Variants in NPIPB2 observed in about 807,000 individuals in gnomAD.
NPIPB2 encodes nuclear pore complex interacting protein family member B2, also known as nuclear pore complex-interacting protein family member B2.
A neutral mutation model predicts 30.8 loss-of-function variants in NPIPB2; 27 were observed. The ratio of observed to expected loss-of-function variants is 0.88; its 90% CI spans 0.65 to 1.21. The LOEUF (loss-of-function observed/expected upper bound fraction) is 1.21. Ranked by LOEUF, NPIPB2 falls within the 50% of genes most tolerant of loss-of-function variation. NPIPB2 has a pLI of 0.00. For synonymous variants in NPIPB2, 147 were observed against 162.0 expected, an observed-to-expected ratio of 0.91 and a Z score of 0.70; for missense variants, 440 against 446.2, an observed-to-expected ratio of 0.99 and a Z score of 0.13.
At chr16:11,947,385 C>T (rs533235741) in intron 1 of NPIPB2, among the ~76,000 whole-genome samples, 173 of 150,212 alleles carry the variant, frequency 1.2e-3, no homozygotes, top group Middle Eastern at 3.4e-3. Context: ...CGCTCTGTCG[C>T]CCAGGCTGGA....
At chr16:11,943,171 T>C (rs2054961305), upstream of NPIPB2, among the ~76,000 whole-genome samples, 1 of 151,332 alleles carries the variant, frequency 6.6e-6, no homozygotes, top group Non-Finnish European at 1.5e-5. Flanking sequence ...ATACAAAAAT[T>C]AGCTGGGTGT....
intron 1 of NPIPB2, chr16:11,968,055 C>CT (rs113542863): frequency 0.34 from 173,833 of 507,648 alleles, 30,848 homozygotes; most frequent in East Asian, 0.58. Context: ...TGATTAAACT[C>CT]TTTTTTTTCC....
intron 4 of NPIPB2, among the ~76,000 whole-genome samples, chr16:11,932,681 G>T (rs2054806383): frequency 8.6e-6 from 1 of 116,878 alleles, no homozygotes; most frequent in African/African-American, 3.1e-5. Context: ...GAGGCTGTGG[G>T]ATAAGAATCG....
At chr16:11,968,004 T>C (rs1293742937) in intron 1 of NPIPB2, 17 of 835,674 alleles carry the variant, frequency 2.0e-5, no homozygotes, top group Non-Finnish European at 3.0e-5. Context: ...TTTCTCTAGG[T>C]TACTGTTGGG....
chr16:11,933,255 G>GA (rs1337413488), intron 4 of NPIPB2, among the ~76,000 whole-genome samples: 12,247 of 137,014 alleles, frequency 0.089, 918 homozygotes, highest in Admixed American at 0.18. Flanking sequence ...TCCATCTCAG[G>GA]AAAAAAAAAA....
chr16:11,944,239 G>A (rs1332548808), upstream of NPIPB2, among the ~76,000 whole-genome samples: 2 of 149,238 alleles, frequency 1.3e-5, no homozygotes, highest in African/African-American at 2.5e-5. Context: ...TTGCGGTCTC[G>A]GCTCACTGAA....
intron 1 of NPIPB2, among the ~76,000 whole-genome samples, chr16:11,976,176 G>A (rs1376890105): frequency 6.6e-6 from 1 of 151,832 alleles, no homozygotes; most frequent in African/African-American, 2.4e-5. Context: ...TGATCCGCTC[G>A]CCTCGGCCTC....
rs749555769 is a variant in NPIPB2 at position 11,937,663 on chromosome 16, G to C, written c.69C>G (p.Ile23Met). The change falls in exon 2 of 8, where the codon ATC becomes ATG. Residue 23 changes from isoleucine (I) to methionine (M), a missense_variant. By Grantham distance (10) the Ile-to-Met change is conservative. Coordinates refer to ENST00000399147, the Ensembl canonical transcript of NPIPB2. ...GATGATGATGGTCAGCCAGAGTATT[G>C]ATAACCTGGAATAATAATAGTTGAA... 6.6e-5 allele frequency: 106 copies of C among 1,598,638 alleles called. 1 individual carries two copies. In the Middle Eastern group the frequency reaches 2.5e-3, roughly 37 times the overall value.
chr16:11,941,417 G>A (rs1318852317), intron 1 of NPIPB2: 10 of 480,556 alleles, frequency 2.1e-5, no homozygotes, highest in African/African-American at 4.7e-5. Flanking sequence ...GGAGGAGAAG[G>A]GGGCTGTTGG....
At chr16:11,951,292 T>C (rs1433126983) in intron 1 of NPIPB2, among the ~76,000 whole-genome samples, 1 of 149,326 alleles carries the variant, frequency 6.7e-6, no homozygotes, top group East Asian at 2.0e-4. Context: ...CCGTCTCTAC[T>C]AAAAAATATA....
upstream of NPIPB2, among the ~76,000 whole-genome samples, chr16:11,944,165 A>G (rs554681491): frequency 6.6e-6 from 1 of 150,952 alleles, no homozygotes; most frequent in Admixed American, 6.6e-5. Flanking sequence ...CAGATGATAA[A>G]CTGGATTTTT....
At chr16:11,965,182 G>GT (rs2055183677) in intron 1 of NPIPB2, 2 of 1,059,834 alleles carry the variant, frequency 1.9e-6, no homozygotes, top group South Asian at 1.5e-5. Context: ...GACAGCCCCC[G>GT]TAAGAACCCA....
At chr16:11,944,185 T>C (rs1459303368), upstream of NPIPB2, among the ~76,000 whole-genome samples, 2 of 150,958 alleles carry the variant, frequency 1.3e-5, no homozygotes, top group Admixed American at 6.6e-5. Flanking sequence ...TTTTTTTTTT[T>C]TGGAGATGGA....
intron 1 of NPIPB2, among the ~76,000 whole-genome samples, chr16:11,956,914 A>T (rs1053927801): frequency 6.6e-6 from 1 of 152,238 alleles, no homozygotes; most frequent in Non-Finnish European, 1.5e-5. Context: ...AGGGCTCCAC[A>T]GCTGGCCCTG....
chr16:11,960,095 TA>T (rs2055142757), intron 1 of NPIPB2, among the ~76,000 whole-genome samples: 1 of 152,028 alleles, frequency 6.6e-6, no homozygotes, highest in South Asian at 2.1e-4. Context: ...GTTTTTCACT[TA>T]GTGATTTATC....
At chr16:11,975,200 T>C (rs1372043934) in intron 1 of NPIPB2, among the ~76,000 whole-genome samples, 1 of 80,360 alleles carries the variant, frequency 1.2e-5, no homozygotes, top group Non-Finnish European at 2.2e-5. Flanking sequence ...CAGGCTGGAG[T>C]GCAGTGGCGG....
chr16:11,970,138 C>T (rs993612486), intron 1 of NPIPB2, among the ~76,000 whole-genome samples: 1 of 151,990 alleles, frequency 6.6e-6, no homozygotes, highest in Admixed American at 6.5e-5. Context: ...CACCTGAGGT[C>T]AGGAGTTAGA....
chr16:11,927,490 C>A (rs1280822466), exon 8 of NPIPB2: 2 of 1,469,012 alleles, frequency 1.4e-6, no homozygotes, highest in Non-Finnish European at 1.9e-6. Flanking sequence ...GTGATTCCAC[C>A]TCAGCGGCCC....
rs530550223 is a variant in NPIPB2, at chr16:11,932,936, C to T, written c.488+581G>A. Among the ~76,000 whole-genome samples, 1,378 of 147,940 alleles carry T rather than the reference C, an allele frequency of 9.3e-3. 9 individuals carry two copies. The highest frequency in any genetic ancestry group is 0.012 in the Non-Finnish European group (791 of 67,042). The stretch of plus-strand genomic sequence containing the variant: ...TTGCACCATAGCACTCCAGCCTGGG[C>T]GACAGAGCGAGACTCTATCTCAAAA... On this transcript the variant is annotated intron_variant, in intron 4 of 7. Coordinates refer to ENST00000399147, the Ensembl canonical transcript of NPIPB2.
Sources: gnomAD v4.1 joint callset for allele counts (sites outside exome capture counted in the v4.1 genomes callset) on GRCh38, gnomAD v4.1.1 for gene constraint, MANE v1.5 for transcripts, NCBI Gene and HGNC (gene_info 2026-07-23, HGNC 2026-07-21) for gene names.